The following LMO7 variants were observed in gnomAD, a reference collection of about 807,000 sequenced individuals.
LMO7 encodes LIM domain 7.
LMO7 carries 120 observed loss-of-function variants against 206.5 expected under a neutral mutation model. The ratio of observed to expected loss-of-function variants is 0.58; its 90% CI spans 0.50 to 0.68. The LOEUF (loss-of-function observed/expected upper bound fraction) is 0.68. Among genes scored for constraint, LMO7 ranks in the 30% least tolerant of loss-of-function variants. The pLI, the probability that LMO7 is intolerant of heterozygous loss-of-function variation, is 0.00. For missense variants in LMO7, 1,959 were observed against 1,957.9 expected, an observed-to-expected ratio of 1.00 and a Z score of -0.01; for synonymous variants, 706 against 681.5, an observed-to-expected ratio of 1.04 and a Z score of -0.56.
chr13:75,729,245 C>G (rs1566359814), intron 3 of LMO7, among the ~76,000 whole-genome samples: 1 of 150,368 alleles, frequency 6.7e-6, no homozygotes, highest in Non-Finnish European at 1.5e-5. Flanking sequence ...GATATTGATT[C>G]TTCCTATCCA....
intron 1 of LMO7, among the ~76,000 whole-genome samples, chr13:75,692,775 A>G (rs1342899146): frequency 1.3e-5 from 2 of 152,164 alleles, no homozygotes; most frequent in South Asian, 2.1e-4. Context: ...TTCTCAGTCA[A>G]TGTCTTCCTG....
intron 3 of LMO7, among the ~76,000 whole-genome samples, chr13:75,745,408 G>A (rs2046758033): frequency 6.6e-6 from 1 of 152,178 alleles, no homozygotes; most frequent in African/African-American, 2.4e-5. Context: ...TATATGGTAT[G>A]TGAGTTTTAT....
chr13:75,855,030 T>C (rs2060806631), intron 28 of LMO7: 2 of 448,122 alleles, frequency 4.5e-6, no homozygotes, highest in East Asian at 3.5e-5. Context: ...CTGAAATTGC[T>C]CATTTATGTG....
At position 75,841,641 on chromosome 13, in the gene LMO7, T is replaced by G. The variant is rs138543469; in HGVS notation, c.3689T>G (p.Leu1230Arg). 1.3e-4 allele frequency: 216 copies of G among 1,611,590 alleles called. No individual in the cohort carries two copies. The highest frequency in any genetic ancestry group is 1.7e-4 in the Non-Finnish European group (199 of 1,178,876). ...CTGGTCACCTAGGAACTGATGGTCCTAAGCTCAAACAGCATGTCTCTGACC... is the reference window on the plus strand; with the variant it reads ...CTGGTCACCTAGGAACTGATGGTCCGAAGCTCAAACAGCATGTCTCTGACC... ...SKYLDEELMV[L>R]SSNSMSLTTR... The change falls in exon 24 of 31, where the codon CTA becomes CGA. Residue 1230 changes from leucine to arginine, a missense_variant. Transcript: ENST00000377534.
chr13:75,727,293 T>C (rs927480282), intron 3 of LMO7, among the ~76,000 whole-genome samples, 195 bp downstream of exon 3: 2 of 151,534 alleles, frequency 1.3e-5, no homozygotes, highest in Non-Finnish European at 2.9e-5. Flanking sequence ...TGGAGGCTTT[T>C]ATTTATTTAT....
chr13:75,637,069 G>C (rs898137787), intron 1 of LMO7, among the ~76,000 whole-genome samples: 5 of 152,318 alleles, frequency 3.3e-5, no homozygotes, highest in African/African-American at 7.2e-5. Flanking sequence ...GCACAGCCCA[G>C]AGCGCGCGGT....
intron 1 of LMO7, among the ~76,000 whole-genome samples, chr13:75,681,009 G>A (rs1289725508): frequency 1.3e-5 from 2 of 151,146 alleles, no homozygotes; most frequent in African/African-American, 4.9e-5. Flanking sequence ...TTTTTAATGA[G>A]GTTTTTTTTT....
chr13:75,773,233 T>A (rs988064570), intron 4 of LMO7, among the ~76,000 whole-genome samples: 15 of 152,016 alleles, frequency 9.9e-5, no homozygotes, highest in African/African-American at 3.6e-4. Context: ...TGGGGGAAGC[T>A]TAAGGCATGA....
chr13:75,856,125 C>T (rs1281055507), intron 29 of LMO7, among the ~76,000 whole-genome samples: 5 of 152,182 alleles, frequency 3.3e-5, no homozygotes, highest in South Asian at 2.1e-4. Context: ...ACACTGGGAG[C>T]GGCCCACCCC....
chr13:75,637,799 T>C (rs1261373351), intron 1 of LMO7, among the ~76,000 whole-genome samples: 1 of 152,192 alleles, frequency 6.6e-6, no homozygotes, highest in African/African-American at 2.4e-5. Context: ...TTTCTTACGC[T>C]AAATAAAGGA....
At chr13:75,781,504 C>T (rs1224584553) in intron 4 of LMO7, among the ~76,000 whole-genome samples, 1 of 151,818 alleles carries the variant, frequency 6.6e-6, no homozygotes, top group Non-Finnish European at 1.5e-5. Context: ...ATATGTGACA[C>T]ATTTTCTTAA....
Position 75,841,924 on chromosome 13 carries a change from G to A in LMO7, c.3972G>A (p.Glu1324=), listed in dbSNP as rs1208982639. Residue 1324 remains glutamate, a synonymous_variant, in exon 24 of 31, where the codon GAG becomes GAA. Coordinates refer to ENST00000377534, the MANE Select transcript of LMO7 (RefSeq NM_001306080.2). The part of the protein sequence containing the change: ...EAEEQKRPAE[E]QKRQAEIERE... ...AGGAGCAGAAGCGTCCTGCGGAGGA[G>A]CAGAAGCGCCAGGCAGAGATAGAGC... 6 of 1,613,298 alleles carry A rather than the reference G, an allele frequency of 3.7e-6. No homozygotes were observed. Among genetic ancestry groups the A allele is most frequent in the Non-Finnish European group, 5.1e-6 (6 of 1,179,884 alleles).
chr13:75,847,099 A>G (rs2060063975), intron 26 of LMO7, among the ~76,000 whole-genome samples: 1 of 152,166 alleles, frequency 6.6e-6, no homozygotes, highest in Non-Finnish European at 1.5e-5. Context: ...TATGTACACA[A>G]ATGTAAGTAT....
At chr13:75,829,984 C>T (rs1187946546) in intron 15 of LMO7, among the ~76,000 whole-genome samples, 1 of 152,036 alleles carries the variant, frequency 6.6e-6, no homozygotes, top group Non-Finnish European at 1.5e-5. Flanking sequence ...CAACTGAAAC[C>T]ACTTGGATAG....
chr13:75,810,372 A>G (rs2056205788), intron 11 of LMO7, among the ~76,000 whole-genome samples: 1 of 152,222 alleles, frequency 6.6e-6, no homozygotes, highest in Admixed American at 6.5e-5. Context: ...TTGATAATTC[A>G]GAAATGTTGG....
intron 3 of LMO7, among the ~76,000 whole-genome samples, chr13:75,746,840 C>T (rs892780574): frequency 2.0e-5 from 3 of 151,976 alleles, no homozygotes; most frequent in African/African-American, 4.8e-5. Flanking sequence ...CCAGATAACA[C>T]CTTCTGTAGG....
chr13:75,754,133 A>T (rs1250615548), intron 3 of LMO7, among the ~76,000 whole-genome samples: 2 of 152,226 alleles, frequency 1.3e-5, no homozygotes, highest in Non-Finnish European at 2.9e-5. Context: ...ACCATTAAAC[A>T]TTTCTAATAT....
At chr13:75,650,212 C>T (rs2037421752) in intron 1 of LMO7, among the ~76,000 whole-genome samples, 1 of 152,106 alleles carries the variant, frequency 6.6e-6, no homozygotes, top group South Asian at 2.1e-4. Context: ...TCACTGCAAC[C>T]TCCACCTCTT....
chr13:75,741,093 A>C (rs910181064), intron 3 of LMO7, among the ~76,000 whole-genome samples: 4 of 152,226 alleles, frequency 2.6e-5, no homozygotes, highest in Non-Finnish European at 5.9e-5. Flanking sequence ...ATATCAATAA[A>C]TTTGATTAAA....
Sources: allele counts gnomAD v4.1 joint callset (sites outside exome capture counted in the v4.1 genomes callset), GRCh38; gene constraint gnomAD v4.1.1; transcripts MANE v1.5; gene names NCBI Gene and HGNC (gene_info 2026-07-23, HGNC 2026-07-21).